Variants in ANKS1B observed in about 807,000 individuals in gnomAD.
ANKS1B encodes ankyrin repeat and sterile alpha motif domain-containing protein 1B.
Under a neutral mutation model 148.3 loss-of-function variants are expected in ANKS1B, and 36 were observed. That is an observed-to-expected ratio of 0.24 (90% CI 0.19 to 0.32). The LOEUF is 0.32. ANKS1B is among the 10% of genes least tolerant of loss of function. The pLI is 1.00. For missense variants in ANKS1B, 1,157 were observed against 1,542.6 expected, an observed-to-expected ratio of 0.75 and a Z score of 4.19; for synonymous variants, 542 against 560.8, an observed-to-expected ratio of 0.97 and a Z score of 0.47.
chr12:98,942,641 G>T (rs1358293979), intron 17 of ANKS1B, among the ~76,000 whole-genome samples: 1 of 152,186 alleles, frequency 6.6e-6, no homozygotes, highest in Non-Finnish European at 1.5e-5. Flanking sequence ...TGAGGGCAAG[G>T]GCTGAATGTA....
At chr12:99,379,983 T>C (rs2093568457) in intron 12 of ANKS1B, among the ~76,000 whole-genome samples, 1 of 152,228 alleles carries the variant, frequency 6.6e-6, no homozygotes, top group Non-Finnish European at 1.5e-5. Flanking sequence ...GCAAAGAATA[T>C]AGTTAACTCC....
At chr12:99,462,892 A>G (rs575304471) in intron 10 of ANKS1B, among the ~76,000 whole-genome samples, 1 of 152,252 alleles carries the variant, frequency 6.6e-6, no homozygotes, top group Non-Finnish European at 1.5e-5. Context: ...TCATCATGTG[A>G]TATGCCTTCT....
At chr12:99,109,613 G>A (rs1021790546) in intron 15 of ANKS1B, among the ~76,000 whole-genome samples, 10 of 152,122 alleles carry the variant, frequency 6.6e-5, no homozygotes, top group Admixed American at 5.2e-4. Flanking sequence ...ATACATATAA[G>A]TGATAATAAT....
intron 12 of ANKS1B, among the ~76,000 whole-genome samples, chr12:99,372,184 C>G (rs2093171344): frequency 6.6e-6 from 1 of 151,944 alleles, no homozygotes; most frequent in South Asian, 2.1e-4. Flanking sequence ...ATGTACCACT[C>G]TAGTGGGGGA....
In ANKS1B at chr12:99,084,964, G is replaced by A. The variant is rs775866031; in HGVS notation, c.2586C>T (p.His862=). 6.2e-7 allele frequency: 1 copy of A among 1,611,036 alleles called. No homozygotes were observed. The highest frequency in any genetic ancestry group is 1.1e-5 in the South Asian group (1 of 90,174). The change falls in exon 16 of 27, where the codon CAC becomes CAT. Residue 862 remains histidine, a synonymous_variant. Transcript: ENST00000683438. ...LLEIGILNSG[H]RQRILQAIQL... is the part of the protein sequence containing the mutation. ...GGATTGCCTGTAGAATTCTTTGTCT[G>A]TGCCCAGAATTAAGGATTCCAATTT...
At chr12:99,566,144 C>T (rs530487882) in intron 9 of ANKS1B, among the ~76,000 whole-genome samples, 105 of 152,252 alleles carry the variant, frequency 6.9e-4, no homozygotes, top group Non-Finnish European at 1.2e-3. Flanking sequence ...GCATCTTTTG[C>T]CATCTGGAGA....
At chr12:99,495,341 AAGTG>A (rs2096593603) in intron 10 of ANKS1B, among the ~76,000 whole-genome samples, 1 of 106,964 alleles carries the variant, frequency 9.3e-6, no homozygotes, top group Admixed American at 9.5e-5. Flanking sequence ...AGGGGAGAAA[AAGTG>A]TGTGTGTGTG....
chr12:98,877,076 T>C (rs1182974405), intron 17 of ANKS1B, among the ~76,000 whole-genome samples: 2 of 152,208 alleles, frequency 1.3e-5, no homozygotes, highest in South Asian at 2.1e-4. Context: ...GCCAATCTAA[T>C]GGGGCCAGTT....
At chr12:99,592,475 G>T (rs1309040252) in intron 9 of ANKS1B, among the ~76,000 whole-genome samples, 9 of 136,736 alleles carry the variant, frequency 6.6e-5, no homozygotes, top group African/African-American at 1.8e-4. Flanking sequence ...CTAGAGATTG[G>T]AAATGAAAAA....
chr12:99,137,509 A>G (rs1459877248), intron 15 of ANKS1B, among the ~76,000 whole-genome samples: 2 of 152,172 alleles, frequency 1.3e-5, no homozygotes, highest in Non-Finnish European at 2.9e-5. Context: ...CACACACATC[A>G]AAAGACAGAA....
intron 8 of ANKS1B, among the ~76,000 whole-genome samples, chr12:99,686,944 T>G (rs1050155969): frequency 1.8e-4 from 27 of 152,334 alleles, no homozygotes; most frequent in African/African-American, 6.5e-4. Context: ...CTTTCATTTT[T>G]TGGTAGAGCA....
At chr12:99,277,102 C>T (rs568768167) in intron 12 of ANKS1B, among the ~76,000 whole-genome samples, 7 of 152,254 alleles carry the variant, frequency 4.6e-5, no homozygotes, top group Admixed American at 3.9e-4. Context: ...TCTTGAGATA[C>T]CTTCAAGTAC....
intron 25 of ANKS1B, among the ~76,000 whole-genome samples, chr12:98,766,155 A>G (rs956001959): frequency 3.9e-5 from 6 of 152,270 alleles, no homozygotes; most frequent in Admixed American, 1.3e-4. Context: ...AGGGATGAGA[A>G]GATCTCTGAA....
intron 12 of ANKS1B, among the ~76,000 whole-genome samples, chr12:99,347,612 A>T (rs1026586771): frequency 6.6e-6 from 1 of 152,068 alleles, no homozygotes; most frequent in Non-Finnish European, 1.5e-5. Flanking sequence ...CCATTGAGTT[A>T]GTAGAACAGA....
intron 1 of ANKS1B, among the ~76,000 whole-genome samples, chr12:99,847,554 C>T (rs568888578): frequency 6.6e-6 from 1 of 152,270 alleles, no homozygotes; most frequent in East Asian, 1.9e-4. Flanking sequence ...ACTGACAGGC[C>T]TTGCTGGGTT....
At chr12:99,745,854 C>T (rs2060544832) in intron 8 of ANKS1B, among the ~76,000 whole-genome samples, 1 of 151,794 alleles carries the variant, frequency 6.6e-6, no homozygotes, top group Non-Finnish European at 1.5e-5. Flanking sequence ...TATTTAACTA[C>T]TGATCTAAAA....
intron 12 of ANKS1B, among the ~76,000 whole-genome samples, chr12:99,317,957 C>T (rs182470246): frequency 2.0e-3 from 303 of 151,812 alleles, no homozygotes; most frequent in African/African-American, 6.2e-3. Flanking sequence ...GTTTATATGA[C>T]GGATTAAGTT....
chr12:99,908,126 C>G (rs115617826), intron 1 of ANKS1B, among the ~76,000 whole-genome samples: 311 of 152,088 alleles, frequency 2.0e-3, no homozygotes, highest in African/African-American at 7.3e-3. Flanking sequence ...ATGAACTCCT[C>G]AAATCATTTT....
intron 1 of ANKS1B, among the ~76,000 whole-genome samples, chr12:99,963,742 G>C (rs560339792): frequency 2.6e-5 from 4 of 152,212 alleles, no homozygotes; most frequent in Admixed American, 1.3e-4. Flanking sequence ...TTACTGTCCT[G>C]GTTCATTTGA....
Sources: gnomAD v4.1 joint callset for allele counts (sites outside exome capture counted in the v4.1 genomes callset) on GRCh38, gnomAD v4.1.1 for gene constraint, MANE v1.5 for transcripts, NCBI Gene and HGNC (gene_info 2026-07-23, HGNC 2026-07-21) for gene names.